The following NUP210L variants were observed in gnomAD, a reference collection of about 807,000 sequenced individuals.
NUP210L encodes nuclear pore membrane glycoprotein 210-like.
In NUP210L, 74 loss-of-function variants were observed where a neutral mutation model predicts 208.5. The ratio of observed to expected loss-of-function variants is 0.35; its 90% CI spans 0.29 to 0.43. The LOEUF (loss-of-function observed/expected upper bound fraction) is 0.43. Ranked by LOEUF, NUP210L falls within the 20% of genes least tolerant of loss-of-function variation. NUP210L has a pLI of 1.00. For synonymous variants in NUP210L, 780 were observed against 816.9 expected, an observed-to-expected ratio of 0.95 and a Z score of 0.77; for missense variants, 1,843 against 2,289.4, an observed-to-expected ratio of 0.81 and a Z score of 3.98.
chr1:154,035,399 C>A (rs1465004238), intron 27 of NUP210L, among the ~76,000 whole-genome samples: 2 of 149,294 alleles, frequency 1.3e-5, no homozygotes, highest in African/African-American at 4.9e-5. Context: ...TTAATTTTTT[C>A]TACTTTTTTT....
At position 154,061,052 on chromosome 1, in the gene NUP210L, A is replaced by T; in HGVS notation, c.2644-6T>A. On this transcript the variant is annotated splice_region_variant and splice_polypyrimidine_tract_variant and intron_variant, in intron 18 of 39. Transcript: ENST00000368559. The stretch of plus-strand genomic sequence containing the variant: ...CTGGGCAAGTTGGAAATTTCCTAGA[A>T]ATATAATAAGAACCACAAAAGTGAA... 6.3e-7 allele frequency: 1 copy of T among 1,588,644 alleles called. No individual in the cohort carries two copies. The highest frequency in any genetic ancestry group is 8.6e-7 in the Non-Finnish European group (1 of 1,157,320).
intron 14 of NUP210L, among the ~76,000 whole-genome samples, chr1:154,096,996 G>C (rs1459546902): frequency 6.6e-6 from 1 of 152,054 alleles, no homozygotes; most frequent in South Asian, 2.1e-4. Flanking sequence ...CACAAGAATC[G>C]CTTGAACCTA....
At chr1:154,153,454 T>G (rs1300845016) in intron 1 of NUP210L, among the ~76,000 whole-genome samples, 1 of 152,100 alleles carries the variant, frequency 6.6e-6, no homozygotes, top group Non-Finnish European at 1.5e-5. Flanking sequence ...AGATTACAGG[T>G]GTCTGCCACT....
At chr1:154,058,716 T>C in intron 20 of NUP210L, 23 bp from the exon 21 acceptor site, 2 of 1,609,804 alleles carry the variant, frequency 1.2e-6, no homozygotes, top group Non-Finnish European at 1.7e-6. Flanking sequence ...AGATGGTAGC[T>C]GGATAAAGAA....
At chr1:154,095,123 A>G (rs1656120298) in exon 15 of NUP210L, 1 of 1,614,074 alleles carries the variant, frequency 6.2e-7, no homozygotes. Flanking sequence ...ACAGACTGCC[A>G]TGTCACCAAT....
rs1650164110 is a variant in NUP210L, at chr1:154,000,776, C to CTGCAGA, written c.5386+74_5386+79dup. On this transcript the variant is annotated intron_variant, in intron 37 of 39. Coordinates refer to ENST00000368559, the Ensembl canonical transcript of NUP210L. ...GTTAAGTGAAATGCGGAAAGCAAAA[C>CTGCAGA]TGCAGATGGGGGGTACTAATGTAAT... is the stretch of plus-strand genomic sequence containing the variant. The CTGCAGA allele has an allele frequency of 3.2e-6, 4 of 1,249,532 alleles. No homozygotes were observed. The East Asian group carries it at 9.3e-5, about 29-fold the overall frequency. 77.4% of individuals were successfully genotyped at this position (1,249,532 alleles called of 1,614,324 possible). A position where few individuals can be genotyped will look rare whatever the true frequency, so the allele number is the denominator to read the frequency against.
chr1:154,023,991 A>C (rs1329944084), intron 30 of NUP210L, among the ~76,000 whole-genome samples: 3 of 151,388 alleles, frequency 2.0e-5, no homozygotes, highest in African/African-American at 7.3e-5. Context: ...GGGTTTCACC[A>C]TCTTGGCCAG....
At chr1:154,069,972 G>A (rs574312061) in intron 17 of NUP210L, among the ~76,000 whole-genome samples, 44 of 152,036 alleles carry the variant, frequency 2.9e-4, no homozygotes, top group Non-Finnish European at 4.6e-4. Flanking sequence ...AACACCGCAC[G>A]TTCTCTCTCA....
At chr1:154,040,591 CTTTT>C (rs1245452541) in intron 27 of NUP210L, among the ~76,000 whole-genome samples, 1 of 143,550 alleles carries the variant, frequency 7.0e-6, no homozygotes, top group Non-Finnish European at 1.5e-5. Flanking sequence ...TTCTTTCTTT[CTTTT>C]TTTTTTTTTG....
chr1:154,096,788 T>C (rs1656200029), intron 14 of NUP210L, among the ~76,000 whole-genome samples: 2 of 148,860 alleles, frequency 1.3e-5, no homozygotes, highest in Non-Finnish European at 3.0e-5. Context: ...CACAGTGCCA[T>C]ACAAGTTTTT....
At chr1:153,997,372 C>T (rs1013434693) in intron 37 of NUP210L, among the ~76,000 whole-genome samples, 1 of 151,826 alleles carries the variant, frequency 6.6e-6, no homozygotes, top group African/African-American at 2.4e-5. Context: ...AGCACCTGAC[C>T]TCAGGTGATC....
chr1:154,139,743 A>T, intron 5 of NUP210L, 59 bp downstream of exon 5: 1 of 1,359,616 alleles, frequency 7.4e-7, no homozygotes, highest in Non-Finnish European at 1.0e-6. Flanking sequence ...TGGGCAACAG[A>T]GTTAGACCAT....
chr1:154,082,624 A>C (rs1411347721), intron 16 of NUP210L, among the ~76,000 whole-genome samples: 2 of 152,182 alleles, frequency 1.3e-5, no homozygotes, highest in Admixed American at 6.5e-5. Context: ...GGTAAACATA[A>C]GTAAATATTT....
chr1:154,060,587 G>T lies in NUP210L; in HGVS notation c.2803C>A (p.Gln935Lys), dbSNP rs1654082222. ...ATGTAAGTGATGGTGACAACACCCT[G>T]CTCACTGCTGTTGACTAAAAAATAA... Residue 935 changes from glutamine (Q) to lysine (K), a missense_variant, in exon 20 of 40, where the codon CAG (glutamine) becomes AAG (lysine). Around this residue, in one of 5 missense-constraint regions of NUP210L, gnomAD observed 408 missense variants for 600.8 expected, o/e 0.68. Transcript: ENST00000368559. 6.2e-7 allele frequency: 1 copy of T among 1,613,496 alleles called. No individual in the cohort carries two copies. The highest frequency in any genetic ancestry group is 8.5e-7 in the Non-Finnish European group (1 of 1,179,672).
chr1:154,044,682 A>G (rs1231136857), intron 27 of NUP210L, among the ~76,000 whole-genome samples: 1 of 152,018 alleles, frequency 6.6e-6, no homozygotes, highest in Non-Finnish European at 1.5e-5. Context: ...CCCCTCTATT[A>G]TCTCCCAAGA....
At chr1:154,050,453 T>G (rs1653424206) in intron 25 of NUP210L, among the ~76,000 whole-genome samples, 1 of 152,182 alleles carries the variant, frequency 6.6e-6, no homozygotes, top group African/African-American at 2.4e-5. Context: ...GCTAATGTTT[T>G]CAATTCAGCA....
At chr1:154,116,962 T>C (rs4845597) in intron 12 of NUP210L, among the ~76,000 whole-genome samples, 47,817 of 151,952 alleles carry the variant, frequency 0.31, 8,221 homozygotes, top group Admixed American at 0.45. Context: ...ATCCTGACAA[T>C]AAAGACTATA....
chr1:154,054,919 T>TA, intron 23 of NUP210L, 87 bp from the exon 24 acceptor site: 2 of 792,032 alleles, frequency 2.5e-6, no homozygotes, highest in South Asian at 3.1e-5. Flanking sequence ...TTTTTTTTTT[T>TA]AGACAGAGTC....
rs34653809 is a variant in NUP210L, at chr1:154,011,679, G to GTTTT, written c.4780+561_4780+564dup. Among the ~76,000 whole-genome samples, 42 of 78,432 alleles carry GTTTT rather than the reference G, an allele frequency of 5.4e-4. 4 individuals are homozygous for GTTTT. The highest frequency in any genetic ancestry group is 1.5e-3 in the African/African-American group (30 of 20,528). 51.5% of individuals were successfully genotyped at this position (78,432 alleles called of 152,430 possible). A position where few individuals can be genotyped will look rare whatever the true frequency, so the allele number is the denominator to read the frequency against. ...CTCCAGAGTACTAAAATTATCTTAA[G>GTTTT]TTTTTTTTTTTTTTTTTTTTTTTTT... On this transcript the variant is annotated intron_variant, in intron 34 of 39. Coordinates refer to ENST00000368559, the Ensembl canonical transcript of NUP210L.
Sources: allele counts gnomAD v4.1 joint callset (sites outside exome capture counted in the v4.1 genomes callset), GRCh38; gene constraint gnomAD v4.1.1; regional missense constraint gnomAD v4.1.1; transcripts MANE v1.5; gene names NCBI Gene and HGNC (gene_info 2026-07-23, HGNC 2026-07-21).